Variants in KANK4 observed in about 807,000 individuals in gnomAD.
The protein encoded by KANK4 is KN motif and ankyrin repeat domain-containing protein 4.
KANK4 carries 50 observed loss-of-function variants against 80.8 expected under a neutral mutation model. That is an observed-to-expected ratio of 0.62 (90% CI 0.49 to 0.78). The LOEUF (loss-of-function observed/expected upper bound fraction) is 0.78. Ranked by LOEUF, KANK4 falls within the 30% of genes least tolerant of loss-of-function variation. The pLI is 0.00. For synonymous variants in KANK4, 465 were observed against 506.9 expected (o/e 0.92, Z 1.11); for missense variants, 1,196 against 1,240.1 (o/e 0.96, Z 0.53).
chr1:62,260,502 CCAAA>C (rs933796997), intron 7 of KANK4, among the ~76,000 whole-genome samples: 1 of 152,070 alleles, frequency 6.6e-6, no homozygotes, highest in African/African-American at 2.4e-5. Context: ...GCTCCTCTCC[CCAAA>C]CAAACACACA....
intron 7 of KANK4, among the ~76,000 whole-genome samples, chr1:62,261,626 C>G (rs1028260975): frequency 6.6e-6 from 1 of 152,110 alleles, no homozygotes; most frequent in Non-Finnish European, 1.5e-5. Context: ...GAGAATTACC[C>G]TGGTTATGGA....
At position 62,263,218 on chromosome 1, in the gene KANK4, C is replaced by T. The variant is rs891387747; in HGVS notation, c.2413G>A (p.Val805Ile). Residue 805 changes from valine to isoleucine, a missense_variant, in exon 7 of 10, where the codon GTC (valine) becomes ATC (isoleucine). Transcript: ENST00000371153. Reference sequence around the variant, plus strand: ...AGGAAGTGTGGGGAGTGAGGCTGGACCTCGTGGAGGTAGGAGGCCACCACG... The same window carrying T: ...AGGAAGTGTGGGGAGTGAGGCTGGATCTCGTGGAGGTAGGAGGCCACCACG... ...PAVVASYLHE[V>I]QPHSPHFLKL... 1.9e-6 allele frequency: 3 copies of T among 1,613,928 alleles called. No individual in the cohort carries two copies. The highest frequency in any genetic ancestry group is 2.5e-6 in the Non-Finnish European group (3 of 1,179,978).
At chr1:62,270,377 T>C (rs1398235317) in intron 4 of KANK4, among the ~76,000 whole-genome samples, 2 of 150,454 alleles carry the variant, frequency 1.3e-5, no homozygotes, top group African/African-American at 5.0e-5. Context: ...ATTTTTTTTC[T>C]TTGCTTTGCT....
intron 5 of KANK4, 96 bp from the exon 6 acceptor site, chr1:62,266,915 T>C: frequency 1.3e-6 from 1 of 790,992 alleles, no homozygotes; most frequent in Non-Finnish European, 2.0e-6. Flanking sequence ...TCTCAGCAGC[T>C]CAAAAATCCA....
intron 5 of KANK4, among the ~76,000 whole-genome samples, chr1:62,267,806 A>T (rs1344167508): frequency 6.6e-6 from 1 of 151,630 alleles, no homozygotes; most frequent in Non-Finnish European, 1.5e-5. Context: ...CGTCTCAAAA[A>T]AAAAAAAAAA....
In KANK4 at chr1:62,273,251, G is replaced by A; in HGVS notation, c.1853C>T (p.Ala618Val). The A allele has an allele frequency of 1.9e-6, 3 of 1,543,034 alleles. No homozygotes were observed. Among genetic ancestry groups the A allele is most frequent in the East Asian group, 4.5e-5 (2 of 44,040 alleles). ...GGCCGGTGGCTCCTTGGGTGGGTGA[G>A]CCTGGGCCGAGTAGGCCGACAGCAG... ...NLLLSAYSAQ[A>V]HPPKEPPASS... The change falls in exon 3 of 10, where the codon GCT (alanine) becomes GTT (valine). Residue 618 changes from alanine (A) to valine (V), a missense_variant. Coordinates refer to ENST00000371153, the MANE Select transcript of KANK4 (RefSeq NM_181712.5).
In KANK4 at chr1:62,274,307, T is replaced by A; in HGVS notation, c.797A>T (p.Asp266Val). ...CTCTGCTTCTCTGGCATTGTGTTCA[T>A]CTTCCTTGTCCTCTAGAACTACAAG... is the stretch of plus-strand genomic sequence containing the variant. ...NVLVVLEDKEDEHNAREAEVL... is the reference protein window; with the variant it reads ...NVLVVLEDKEVEHNAREAEVL... The change falls in exon 3 of 10, where the codon GAT (aspartate) becomes GTT (valine). Residue 266 changes from aspartate to valine, a missense_variant. Around this residue, in one of 3 missense-constraint regions of KANK4, gnomAD observed 1,154 missense variants for 1,179.6 expected, o/e 0.98. Coordinates refer to ENST00000371153, the MANE Select transcript of KANK4 (RefSeq NM_181712.5). The A allele has an allele frequency of 6.2e-7, 1 of 1,614,172 alleles. No individual in the cohort carries two copies. The highest frequency in any genetic ancestry group is 2.2e-5 in the East Asian group (1 of 44,872).
rs936473387 is a variant in KANK4, at chr1:62,256,900, A to G, written c.2540-3691T>C. On this transcript the variant is annotated intron_variant, in intron 7 of 9. Transcript: ENST00000371153. ...CGGAAGTGAACGTTTGCACTACCTT[A>G]TTAATAACTTTATTTCTACACCTTG... Among the ~76,000 whole-genome samples, 5 of 152,088 alleles carry G rather than the reference A, an allele frequency of 3.3e-5. No homozygotes were observed. The South Asian group carries it at 8.3e-4, about 25-fold the overall frequency.
rs1197128926 is a variant in KANK4 at position 62,274,861 on chromosome 1, G to A, written c.243C>T (p.Arg81=). 1.2e-6 allele frequency: 2 copies of A among 1,613,980 alleles called. No individual in the cohort carries two copies. The highest frequency in any genetic ancestry group is 1.7e-6 in the Non-Finnish European group (2 of 1,179,956). ...RNFSLPDSGA[R]PPAAPPLQNW... is the part of the protein sequence containing the mutation. ...TTTGGAGGGGCGGGGCTGCAGGGGG[G>A]CGAGCCCCACTGTCAGGAAGGCTGA... Residue 81 remains arginine, a synonymous_variant, in exon 3 of 10, where the codon CGC becomes CGT. Transcript: ENST00000371153.
intron 1 of KANK4, among the ~76,000 whole-genome samples, chr1:62,304,601 C>T (rs1644436552): frequency 6.6e-6 from 1 of 151,850 alleles, no homozygotes; most frequent in Non-Finnish European, 1.5e-5. Context: ...CCCACCCAGC[C>T]CCATCCTCTT....
chr1:62,269,804 T>C (rs2886600), intron 4 of KANK4, among the ~76,000 whole-genome samples: 3,007 of 152,122 alleles, frequency 0.02, 86 homozygotes, highest in African/African-American at 0.069. Flanking sequence ...AAAAGAGCCA[T>C]GGGATAGAAG....
chr1:62,247,896 C>T lies in KANK4; in HGVS notation c.2683-224G>A, dbSNP rs77956884. Among the ~76,000 whole-genome samples the T allele has an allele frequency of 1.7e-3, 262 of 152,148 alleles. 2 individuals carry two copies. The highest frequency in any genetic ancestry group is 5.6e-3 in the African/African-American group (233 of 41,524). ...AAAGCCTTCTCTCACTCCCCAGGCA[C>T]GGGAATCCTAACACAGCACTCACCA... On this transcript the variant is annotated intron_variant, in intron 8 of 9. Coordinates refer to ENST00000371153, the MANE Select transcript of KANK4 (RefSeq NM_181712.5).
At chr1:62,238,690 C>T (rs574668909) in intron 9 of KANK4, among the ~76,000 whole-genome samples, 3 of 148,216 alleles carry the variant, frequency 2.0e-5, no homozygotes, top group African/African-American at 2.5e-5. Flanking sequence ...AGTGCAGTGG[C>T]GCAATCGGAG....
At chr1:62,293,855 G>T (rs948841612) in intron 1 of KANK4, among the ~76,000 whole-genome samples, 1 of 152,138 alleles carries the variant, frequency 6.6e-6, no homozygotes. Flanking sequence ...CTTCTCAGAA[G>T]ACCCACCTCC....
chr1:62,306,637 G>A (rs973079737), intron 1 of KANK4, among the ~76,000 whole-genome samples: 2 of 151,870 alleles, frequency 1.3e-5, no homozygotes, highest in African/African-American at 4.8e-5. Context: ...GAGGTGCAGT[G>A]GCATGATCAT....
intron 2 of KANK4, among the ~76,000 whole-genome samples, chr1:62,280,365 TG>T (rs918274061): frequency 8.5e-5 from 13 of 152,174 alleles, no homozygotes; most frequent in Non-Finnish European, 1.8e-4. Flanking sequence ...GAGAGGCAGC[TG>T]GGCTAACAGG....
chr1:62,286,070 C>T (rs1672557593), intron 1 of KANK4, among the ~76,000 whole-genome samples: 1 of 149,382 alleles, frequency 6.7e-6, no homozygotes, highest in Non-Finnish European at 1.5e-5. Flanking sequence ...GACACATTAA[C>T]ACAATCTCAT....
chr1:62,247,402 A>G, intron 9 of KANK4, 70 bp downstream of exon 9: 3 of 1,403,876 alleles, frequency 2.1e-6, no homozygotes, highest in Non-Finnish European at 3.0e-6. Flanking sequence ...AGCCTCCCAA[A>G]GTGCTGGGGT....
At chr1:62,259,567 G>A (rs147211250) in intron 7 of KANK4, among the ~76,000 whole-genome samples, 5 of 152,208 alleles carry the variant, frequency 3.3e-5, no homozygotes, top group South Asian at 2.1e-4. Flanking sequence ...GTGAGCCACC[G>A]CGCCTGGACC....
Sources: gnomAD v4.1 joint callset for allele counts (sites outside exome capture counted in the v4.1 genomes callset) on GRCh38, gnomAD v4.1.1 for gene constraint, gnomAD v4.1.1 regional missense constraint, MANE v1.5 for transcripts, NCBI Gene and HGNC (gene_info 2026-07-23, HGNC 2026-07-21) for gene names.